ACTR2: variants seen among roughly 807,000 people sequenced by gnomAD.
ACTR2 encodes actin related protein 2, also known as actin-related protein 2.
Under a neutral mutation model 50.2 loss-of-function variants are expected in ACTR2, and 5 were observed. The ratio of observed to expected loss-of-function variants is 0.10; its 90% CI spans 0.05 to 0.21. The LOEUF is 0.21. Ranked by LOEUF, ACTR2 falls within the 10% of genes least tolerant of loss-of-function variation. ACTR2 has a pLI of 1.00. For synonymous variants in ACTR2, 140 were observed against 162.9 expected (o/e 0.86, Z 1.07); for missense variants, 180 against 480.6 (o/e 0.37, Z 5.85).
chr2:65,253,946 G>A (rs1672101181), intron 5 of ACTR2, 82 bp downstream of exon 5: 2 of 1,221,958 alleles, frequency 1.6e-6, no homozygotes, highest in East Asian at 2.4e-5. Context: ...TATCGTTTTA[G>A]GATTCCAGCA....
intron 4 of ACTR2, among the ~76,000 whole-genome samples, chr2:65,251,392 G>C (rs375538239): frequency 2.0e-5 from 3 of 151,516 alleles, no homozygotes; most frequent in East Asian, 3.9e-4. Flanking sequence ...ACAGATTTTC[G>C]CTTTTGTTGC....
At chr2:65,249,534 A>G (rs562022638) in intron 3 of ACTR2, among the ~76,000 whole-genome samples, 6 of 152,340 alleles carry the variant, frequency 3.9e-5, no homozygotes, top group African/African-American at 1.2e-4. Flanking sequence ...GGAATAAAAT[A>G]CTATTCAGAC....
At chr2:65,268,298 T>C (rs1303318301) in intron 8 of ACTR2, among the ~76,000 whole-genome samples, 1 of 152,128 alleles carries the variant, frequency 6.6e-6, no homozygotes, top group African/African-American at 2.4e-5. Context: ...CACTCAAGAA[T>C]GGAAAGGGTG....
intron 1 of ACTR2, among the ~76,000 whole-genome samples, chr2:65,230,654 G>A (rs928870157): frequency 1.3e-5 from 2 of 151,866 alleles, no homozygotes; most frequent in Non-Finnish European, 2.9e-5. Flanking sequence ...TAAAAGATCT[G>A]CCCACTGCGG....
intron 3 of ACTR2, among the ~76,000 whole-genome samples, chr2:65,248,442 A>G (rs758158709): frequency 9.2e-5 from 14 of 152,062 alleles, no homozygotes; most frequent in Non-Finnish European, 1.6e-4. Flanking sequence ...TGGGTGAAAT[A>G]TGGGGCTGTT....
intron 1 of ACTR2, among the ~76,000 whole-genome samples, chr2:65,239,401 C>A (rs1434213944): frequency 6.6e-6 from 1 of 152,228 alleles, no homozygotes; most frequent in African/African-American, 2.4e-5. Context: ...TTGCAGTGAG[C>A]CGAGATTGTG....
chr2:65,249,971 T>C (rs570630569), intron 3 of ACTR2, among the ~76,000 whole-genome samples: 22 of 152,328 alleles, frequency 1.4e-4, no homozygotes, highest in African/African-American at 5.3e-4. Flanking sequence ...CTTTTAATTT[T>C]TAAGCTGCTC....
chr2:65,253,978 T>G, intron 5 of ACTR2, 114 bp downstream of exon 5: 1 of 772,472 alleles, frequency 1.3e-6, no homozygotes, highest in Non-Finnish European at 2.0e-6. Context: ...CTAGAGAAAT[T>G]ATCCAATTAC....
At chr2:65,251,253 T>C (rs955934048) in intron 4 of ACTR2, among the ~76,000 whole-genome samples, 154 bp downstream of exon 4, 1 of 152,214 alleles carries the variant, frequency 6.6e-6, no homozygotes, top group Non-Finnish European at 1.5e-5. Flanking sequence ...TTTTAAAATT[T>C]GTGAAATAAG....
chr2:65,252,185 G>T (rs1672064646), intron 4 of ACTR2, among the ~76,000 whole-genome samples: 1 of 151,944 alleles, frequency 6.6e-6, no homozygotes, highest in African/African-American at 2.4e-5. Flanking sequence ...ATTAGTCAGT[G>T]TTCCTGGGAG....
rs941690031 is a variant in ACTR2 at position 65,261,529 on chromosome 2, C to G, written c.881+137C>G. 7 of 916,654 alleles carry G rather than the reference C, an allele frequency of 7.6e-6. No individual in the cohort carries two copies. The Middle Eastern group carries it at 9.6e-4, about 126-fold the overall frequency. 56.8% of individuals were successfully genotyped at this position (916,654 alleles called of 1,614,324 possible). A position where few individuals can be genotyped will look rare whatever the true frequency, so the allele number is the denominator to read the frequency against. ...CTTACTTGAAATAATTTCAGACTTA[C>G]GGAAAGGTTGCAAGAAAAATGCAGA... On this transcript the variant is annotated intron_variant, in intron 7 of 8. Transcript: ENST00000260641.
chr2:65,268,578 C>A lies in ACTR2; in HGVS notation c.1029C>A (p.Arg343=). ...DVEKLSKFKI[R]IEDPPRRKHM... ...TTCTCCTTTAGAAATTTAAGATCCG[C>A]ATTGAAGACCCACCCCGCAGAAAGC... Residue 343 remains arginine, a synonymous_variant, in exon 9 of 9, where the codon CGC becomes CGA. Coordinates refer to ENST00000260641, the MANE Select transcript of ACTR2 (RefSeq NM_005722.4). 3 of 1,613,050 alleles carry A rather than the reference C, an allele frequency of 1.9e-6. No individual in the cohort carries two copies. The South Asian group carries it at 3.3e-5, about 18-fold the overall frequency.
chr2:65,264,207 G>A (rs1345713811), intron 7 of ACTR2, among the ~76,000 whole-genome samples: 2 of 152,184 alleles, frequency 1.3e-5, no homozygotes, highest in Admixed American at 6.5e-5. Context: ...TGTTGAAAAT[G>A]TACATGTAAA....
At chr2:65,251,949 A>G (rs1327216418) in intron 4 of ACTR2, among the ~76,000 whole-genome samples, 2 of 150,852 alleles carry the variant, frequency 1.3e-5, no homozygotes, top group African/African-American at 2.4e-5. Flanking sequence ...TTATGGTCTT[A>G]TAAATTCAAC....
chr2:65,245,584 C>T lies in ACTR2; in HGVS notation c.160-940C>T, dbSNP rs369598374. Among the ~76,000 whole-genome samples, 53 of 152,204 alleles carry T rather than the reference C, an allele frequency of 3.5e-4. 1 individual carries two copies. Among genetic ancestry groups the T allele is most frequent in the East Asian group, 7.7e-4 (4 of 5,188 alleles). ...TTGTCTCTCCATAATTAAAACTTAA[C>T]GTATTGTAGCAAATATCTACTTCTG... is the stretch of plus-strand genomic sequence containing the variant. On this transcript the variant is annotated intron_variant, in intron 2 of 8. Transcript: ENST00000260641.
At chr2:65,255,799 G>T (rs1672138773) in intron 6 of ACTR2, 105 bp downstream of exon 6, 3 of 1,073,142 alleles carry the variant, frequency 2.8e-6, no homozygotes, top group South Asian at 1.9e-5. Context: ...TTTGTCTTGG[G>T]TTGTTGTAAT....
chr2:65,238,840 T>C (rs1004942189), intron 1 of ACTR2, among the ~76,000 whole-genome samples: 2 of 151,286 alleles, frequency 1.3e-5, no homozygotes, highest in Non-Finnish European at 2.9e-5. Flanking sequence ...TGGTGGTGGG[T>C]GCCTGTAATC....
chr2:65,264,118 G>A (rs937315928), intron 7 of ACTR2, among the ~76,000 whole-genome samples: 3 of 152,132 alleles, frequency 2.0e-5, no homozygotes, highest in South Asian at 2.1e-4. Flanking sequence ...CCTAAAGTGC[G>A]GAGTCAGATT....
chr2:65,242,063 G>A, intron 2 of ACTR2: 3 of 1,601,592 alleles, frequency 1.9e-6, no homozygotes, highest in Non-Finnish European at 2.6e-6. Flanking sequence ...ACAAAAAGAT[G>A]GTAAGTGAGG....
Sources: allele counts gnomAD v4.1 joint callset (sites outside exome capture counted in the v4.1 genomes callset), GRCh38; gene constraint gnomAD v4.1.1; transcripts MANE v1.5; gene names NCBI Gene and HGNC (gene_info 2026-07-23, HGNC 2026-07-21).